PRRG1: variants seen among roughly 807,000 people sequenced by gnomAD.
PRRG1 encodes proline rich and Gla domain 1.
A neutral mutation model predicts 11.8 loss-of-function variants in PRRG1; 5 were observed. That is an observed-to-expected ratio of 0.42 (90% confidence interval 0.22 to 0.89). PRRG1 has a LOEUF of 0.89. Among genes scored for constraint, PRRG1 ranks in the 40% least tolerant of loss-of-function variants. The probability of loss-of-function intolerance (pLI) is 0.28; values close to 1 mark genes in which losing one functional copy is unlikely to be tolerated. For synonymous variants in PRRG1, 66 were observed against 60.4 expected (o/e 1.09, Z -0.43); for missense variants, 155 against 166.1 (o/e 0.93, Z 0.37).
intron 3 of PRRG1, among the ~76,000 whole-genome samples, chrX:37,439,279 A>G (rs1932932114): frequency 8.9e-6 from 1 of 112,286 alleles, no homozygotes; most frequent in Non-Finnish European, 1.9e-5. Flanking sequence ...ATCCAATTCC[A>G]AAAGCTAATA....
At chrX:37,413,941 A>G (rs782180559) in intron 2 of PRRG1, among the ~76,000 whole-genome samples, 26 of 112,080 alleles carry the variant, frequency 2.3e-4, no homozygotes, top group Non-Finnish European at 4.5e-4. Flanking sequence ...CACATGCCAT[A>G]CAGTTTTGTA....
intron 1 of PRRG1, among the ~76,000 whole-genome samples, chrX:37,391,871 A>G (rs1556376785): frequency 8.9e-6 from 1 of 112,087 alleles, no homozygotes; most frequent in Non-Finnish European, 1.9e-5. Flanking sequence ...CACTAGAAAT[A>G]TAAGTCCCAC....
intron 1 of PRRG1, among the ~76,000 whole-genome samples, chrX:37,369,109 C>T (rs1409523164): frequency 2.7e-5 from 3 of 112,020 alleles, no homozygotes; most frequent in Non-Finnish European, 5.6e-5. Flanking sequence ...TTTTCTCCAC[C>T]ATTTACCCTT....
At chrX:37,422,207 T>G (rs920489235) in intron 2 of PRRG1, among the ~76,000 whole-genome samples, 43 of 112,240 alleles carry the variant, frequency 3.8e-4, no homozygotes, top group African/African-American at 1.4e-3. Flanking sequence ...AGCATTTAGC[T>G]TTTTTCTCTT....
chrX:37,403,456 A>G (rs1333625791), intron 1 of PRRG1, among the ~76,000 whole-genome samples: 2 of 77,954 alleles, frequency 2.6e-5, no homozygotes, highest in East Asian at 9.3e-4. Flanking sequence ...AGGAAGGGGA[A>G]CATCACACTC....
At chrX:37,394,953 A>G (rs1931666035) in intron 1 of PRRG1, among the ~76,000 whole-genome samples, 1 of 112,137 alleles carries the variant, frequency 8.9e-6, no homozygotes, top group African/African-American at 3.2e-5. Context: ...TTGACCAACT[A>G]GAAGATAAAC....
intron 1 of PRRG1, among the ~76,000 whole-genome samples, chrX:37,394,114 C>T (rs1461283095): frequency 8.9e-6 from 1 of 112,288 alleles, no homozygotes; most frequent in African/African-American, 3.2e-5. Context: ...TTGTACCTAT[C>T]TCATAGAGTT....
At chrX:37,392,657 CA>C (rs11296949) in intron 1 of PRRG1, among the ~76,000 whole-genome samples, 17,502 of 50,524 alleles carry the variant, frequency 0.35, 3,201 homozygotes, top group African/African-American at 0.65. Context: ...GACTCTGTCT[CA>C]AAAAAAAAAA....
intron 3 of PRRG1, among the ~76,000 whole-genome samples, chrX:37,428,985 T>C (rs1556389179): frequency 8.9e-6 from 1 of 112,602 alleles, no homozygotes; most frequent in Admixed American, 9.3e-5. Context: ...TCTGAAACCA[T>C]GGGCCAAGCT....
At chrX:37,440,681 A>G in intron 3 of PRRG1, 2 of 472,168 alleles carry the variant, frequency 4.2e-6, no homozygotes, top group Admixed American at 6.7e-5. Context: ...AATTAATAAA[A>G]ATTATAATTC....
intron 1 of PRRG1, chrX:37,386,630 C>T: frequency 8.9e-6 from 1 of 111,733 alleles, no homozygotes; most frequent in Non-Finnish European, 1.9e-5. Flanking sequence ...AAGAAATCCA[C>T]CTCCCCAACC....
Position 37,425,898 on chromosome X carries a change from G to T in PRRG1, c.69G>T (p.Gly23=), listed in dbSNP as rs1556388272. 1 of 1,206,198 alleles carries T rather than the reference G, an allele frequency of 8.3e-7. No individual in the cohort carries two copies. The highest frequency in any genetic ancestry group is 1.1e-6 in the Non-Finnish European group (1 of 892,066). The change falls in exon 3 of 4, where the codon GGG becomes GGT. Residue 23 remains glycine, a synonymous_variant. Coordinates refer to ENST00000378628, the MANE Select transcript of PRRG1 (RefSeq NM_001142395.2). ...TAAAACGCTACCCAAGAGCTAATGG[G>T]TTTTTTGAAGAAATAAGACAGGGCA... ...SILKRYPRAN[G]FFEEIRQGNI...
At chrX:37,380,371 A>G (rs1055692616) in intron 1 of PRRG1, among the ~76,000 whole-genome samples, 1 of 111,877 alleles carries the variant, frequency 8.9e-6, no homozygotes, top group African/African-American at 3.2e-5. Context: ...AGAGCTGATA[A>G]TTTTCCATTC....
intron 1 of PRRG1, among the ~76,000 whole-genome samples, chrX:37,399,062 G>A (rs1457691627): frequency 8.9e-6 from 1 of 111,771 alleles, no homozygotes. Context: ...ACTCTGCAGG[G>A]TATTATCCAG....
At chrX:37,360,488 A>G (rs1361502105) in intron 1 of PRRG1, among the ~76,000 whole-genome samples, 3 of 112,236 alleles carry the variant, frequency 2.7e-5, no homozygotes, top group Admixed American at 9.4e-5. Flanking sequence ...ATTGTTTTCT[A>G]GTTTAATTCC....
intron 3 of PRRG1, chrX:37,442,215 C>G (rs1161687241): frequency 2.7e-6 from 2 of 753,426 alleles, no homozygotes; most frequent in Non-Finnish European, 3.1e-6. Flanking sequence ...GTTATCTGTT[C>G]TCAAAGCAAT....
chrX:37,357,819 A>C (rs1930287702), intron 1 of PRRG1, among the ~76,000 whole-genome samples: 1 of 112,257 alleles, frequency 8.9e-6, no homozygotes, highest in Non-Finnish European at 1.9e-5. Flanking sequence ...TTTTGCAAGA[A>C]ATTGACAAAG....
rs782464138 is a variant in PRRG1, at chrX:37,372,358, C to T, written c.-42+22963C>T. ...TTGTTCTGTTGCCCAGGCTGGAGTG[C>T]GGTGGCACAATCTCAGCTCACTGCA... On this transcript the variant is annotated intron_variant, in intron 1 of 3. Coordinates refer to ENST00000378628, the MANE Select transcript of PRRG1 (RefSeq NM_001142395.2). 7.1e-5 allele frequency among the ~76,000 whole-genome samples: 8 copies of T among 112,149 alleles called. 1 individual carries two copies. In the East Asian group the frequency reaches 1.4e-3, roughly 20 times the overall value.
At chrX:37,424,129 AT>A (rs1932738860) in intron 2 of PRRG1, among the ~76,000 whole-genome samples, 1 of 111,511 alleles carries the variant, frequency 9.0e-6, no homozygotes, top group Non-Finnish European at 1.9e-5. Flanking sequence ...ATGGATCCAC[AT>A]TGTTAAGTGA....
Sources: gnomAD v4.1 joint callset for allele counts (sites outside exome capture counted in the v4.1 genomes callset) on GRCh38, gnomAD v4.1.1 for gene constraint, MANE v1.5 for transcripts, NCBI Gene and HGNC (gene_info 2026-07-23, HGNC 2026-07-21) for gene names.